TAB2: variants seen among roughly 807,000 people sequenced by gnomAD.
TAB2 encodes TGF-beta-activated kinase 1 and MAP3K7-binding protein 2.
Under a neutral mutation model 65.0 loss-of-function variants are expected in TAB2, and 3 were observed. The ratio of observed to expected loss-of-function variants is 0.05; its 90% CI spans 0.02 to 0.12. TAB2 has a LOEUF of 0.12. Ranked by LOEUF, TAB2 falls within the 10% of genes least tolerant of loss-of-function variation. TAB2 has a pLI of 1.00. For synonymous variants in TAB2, 298 were observed against 285.1 expected, an observed-to-expected ratio of 1.05 and a Z score of -0.46; for missense variants, 623 against 840.3, an observed-to-expected ratio of 0.74 and a Z score of 3.20.
intron 6 of TAB2, among the ~76,000 whole-genome samples, chr6:149,405,076 C>A (rs538595380): frequency 3.9e-5 from 6 of 152,070 alleles, no homozygotes; most frequent in Non-Finnish European, 8.8e-5. Context: ...TAATAGAAAC[C>A]AATAACCAGA....
At chr6:149,255,680 C>CTA (rs1386988655) in intron 1 of TAB2, among the ~76,000 whole-genome samples, 3 of 152,234 alleles carry the variant, frequency 2.0e-5, no homozygotes, top group African/African-American at 7.2e-5. Context: ...GATTGATTAG[C>CTA]TATTATAATT....
intron 1 of TAB2, among the ~76,000 whole-genome samples, chr6:149,356,467 G>A (rs1317184004): frequency 6.6e-6 from 1 of 152,190 alleles, no homozygotes; most frequent in Non-Finnish European, 1.5e-5. Flanking sequence ...TTGTAGTTCT[G>A]GAGGCTATGA....
At chr6:149,322,303 A>G (rs908482173) in intron 1 of TAB2, among the ~76,000 whole-genome samples, 3 of 152,178 alleles carry the variant, frequency 2.0e-5, no homozygotes, top group African/African-American at 7.2e-5. Context: ...GAGTTAGGGA[A>G]TGAACATTGC....
chr6:149,324,947 C>A (rs933256944), intron 1 of TAB2, among the ~76,000 whole-genome samples: 1 of 151,620 alleles, frequency 6.6e-6, no homozygotes, highest in African/African-American at 2.4e-5. Context: ...CAAGTGTGCG[C>A]AACTACATCC....
chr6:149,242,601 A>C (rs1397986110), intron 1 of TAB2, among the ~76,000 whole-genome samples: 1 of 152,180 alleles, frequency 6.6e-6, no homozygotes, highest in African/African-American at 2.4e-5. Context: ...AATGCCCCAG[A>C]ATGTATGGTT....
At chr6:149,227,547 G>T (rs1777307755) in intron 1 of TAB2, among the ~76,000 whole-genome samples, 1 of 152,148 alleles carries the variant, frequency 6.6e-6, no homozygotes, top group South Asian at 2.1e-4. Flanking sequence ...AGGCACTTCA[G>T]GGCATGCCTT....
chr6:149,314,154 A>G (rs1490784402), upstream of TAB2, among the ~76,000 whole-genome samples: 1 of 152,236 alleles, frequency 6.6e-6, no homozygotes, highest in Non-Finnish European at 1.5e-5. Context: ...TTAAGTTTAA[A>G]GTTAAACACA....
At position 149,308,044 on chromosome 6, in the gene TAB2, T is replaced by C. The variant is rs147014447; in HGVS notation, c.-120-69974T>C. ...TGACATCTTTTCATGTCAATGTATA[T>C]AGATCTACATTCTTTTTAACCACTA... is the stretch of plus-strand genomic sequence containing the variant. On this transcript the variant is annotated intron_variant, in intron 1 of 1. Coordinates refer to the TAB2 transcript ENST00000606202. Among the ~76,000 whole-genome samples, 1,087 of 152,318 alleles carry C rather than the reference T, an allele frequency of 7.1e-3. 9 individuals are homozygous for C. The highest frequency in any genetic ancestry group is 0.024 in the Middle Eastern group (7 of 294).
chr6:149,382,026 C>G lies in TAB2; in HGVS notation c.1603+2508C>G, dbSNP rs1016045888. ...GGGAGATACTGTTAAAAATATGCAT[C>G]AGATCATATCACTTCTCTGCACATG... is the stretch of plus-strand genomic sequence containing the variant. On this transcript the variant is annotated intron_variant, in intron 3 of 6. Coordinates refer to ENST00000637181, the MANE Select transcript of TAB2 (RefSeq NM_001292034.3). Among the ~76,000 whole-genome samples, 50 of 152,294 alleles carry G rather than the reference C, an allele frequency of 3.3e-4. 1 individual carries two copies. The highest frequency in any genetic ancestry group is 3.4e-3 in the Middle Eastern group (1 of 294).
At chr6:149,327,902 A>G (rs1779665915) in intron 1 of TAB2, among the ~76,000 whole-genome samples, 1 of 152,234 alleles carries the variant, frequency 6.6e-6, no homozygotes, top group Non-Finnish European at 1.5e-5. Context: ...TAGCTAAGGT[A>G]ATTGTTTGGC....
intron 1 of TAB2, among the ~76,000 whole-genome samples, chr6:149,253,748 C>A (rs1777909052): frequency 6.6e-6 from 1 of 151,382 alleles, no homozygotes; most frequent in Non-Finnish European, 1.5e-5. Context: ...ATGGTGAAAC[C>A]CCGTCTCTGC....
intron 1 of TAB2, among the ~76,000 whole-genome samples, chr6:149,351,498 T>C (rs1780488979): frequency 1.3e-5 from 2 of 152,222 alleles, no homozygotes; most frequent in Non-Finnish European, 2.9e-5. Flanking sequence ...TGAGTTGTTT[T>C]CTCCATTTTA....
chr6:149,318,281 G>T (rs1054163880), intron 1 of TAB2, among the ~76,000 whole-genome samples: 1 of 151,778 alleles, frequency 6.6e-6, no homozygotes, highest in African/African-American at 2.4e-5. Context: ...TGCGGGGGGG[G>T]AGGGGGAGCT....
Position 149,281,555 on chromosome 6 carries a change from C to CAAAAAAAAAAA in TAB2, c.-121+62795_-121+62805dup, listed in dbSNP as rs59196897. On this transcript the variant is annotated intron_variant, in intron 1 of 1. Coordinates refer to the TAB2 transcript ENST00000606202. ...TGAACAACACAGCAAGATGCCATCTCAAAAAAAAAAAAAAAAAAAAAAAAA... is the reference window on the plus strand; with the variant it reads ...TGAACAACACAGCAAGATGCCATCTCAAAAAAAAAAAAAAAAAAAAAAAAAAAAAAAAAAAA... Among the ~76,000 whole-genome samples, 216 of 70,330 alleles carry CAAAAAAAAAAA rather than the reference C, an allele frequency of 3.1e-3. 67 individuals carry two copies. Among genetic ancestry groups the CAAAAAAAAAAA allele is most frequent in the African/African-American group, 0.01 (201 of 19,634 alleles). The allele number at this position is 70,330 out of a possible 152,430, so 46.1% of individuals were successfully genotyped here. A position where few individuals can be genotyped will look rare whatever the true frequency, so the allele number is the denominator to read the frequency against.
chr6:149,230,752 A>G (rs1216217877), intron 1 of TAB2, among the ~76,000 whole-genome samples: 2 of 152,216 alleles, frequency 1.3e-5, no homozygotes, highest in Non-Finnish European at 2.9e-5. Flanking sequence ...ACAAGGCCGT[A>G]AGGATGAGCT....
At chr6:149,397,804 T>C (rs1290540590) in intron 4 of TAB2, 40 bp downstream of exon 4, 2 of 1,608,396 alleles carry the variant, frequency 1.2e-6, no homozygotes, top group African/African-American at 1.3e-5. Context: ...TGCTTGAACA[T>C]GAGAGTAGGC....
chr6:149,233,108 A>T (rs1337395785), intron 1 of TAB2, among the ~76,000 whole-genome samples: 1 of 152,184 alleles, frequency 6.6e-6, no homozygotes, highest in South Asian at 2.1e-4. Flanking sequence ...CGGAAGATGG[A>T]GGTAGCCAGG....
intron 1 of TAB2, among the ~76,000 whole-genome samples, chr6:149,223,176 C>A (rs1777190919): frequency 1.3e-5 from 2 of 152,154 alleles, no homozygotes; most frequent in Admixed American, 1.3e-4. Context: ...TGTTTCTTCA[C>A]AAAAAGCTTT....
intron 1 of TAB2, among the ~76,000 whole-genome samples, chr6:149,304,737 A>G (rs1452716108): frequency 6.6e-6 from 1 of 152,200 alleles, no homozygotes; most frequent in African/African-American, 2.4e-5. Context: ...TATCTAAAGG[A>G]CTAGAATCAC....
Sources: allele counts gnomAD v4.1 joint callset (sites outside exome capture counted in the v4.1 genomes callset), GRCh38; gene constraint gnomAD v4.1.1; transcripts MANE v1.5; gene names NCBI Gene and HGNC (gene_info 2026-07-23, HGNC 2026-07-21).